The following OPN4 variants were observed in gnomAD, a reference collection of about 807,000 sequenced individuals.
OPN4 encodes opsin 4.
OPN4 carries 43 observed loss-of-function variants against 49.5 expected under a neutral mutation model. The observed-to-expected ratio is 0.87, with a 90% CI of 0.68 to 1.12. The LOEUF (loss-of-function observed/expected upper bound fraction) is 1.12. OPN4 is among the 50% of genes most tolerant of loss of function. The pLI, the probability that OPN4 is intolerant of heterozygous loss-of-function variation, is 0.00. For synonymous variants in OPN4, 263 were observed against 258.0 expected, an observed-to-expected ratio of 1.02 and a Z score of -0.19; for missense variants, 657 against 643.9, an observed-to-expected ratio of 1.02 and a Z score of -0.22.
intron 6 of OPN4, among the ~76,000 whole-genome samples, chr10:86,660,635 C>T (rs1002749880): frequency 1.3e-5 from 2 of 152,050 alleles, no homozygotes; most frequent in Admixed American, 6.5e-5. Context: ...GAGGGCATCA[C>T]GGTTGGGGTG....
Position 86,662,394 on chromosome 10 carries a change from C to T in OPN4, c.1216C>T (p.Arg406Trp), listed in dbSNP as rs3740337. Reference protein sequence around the residue: ...HTSNLSWISIRRRQESLGSES... With the variant: ...HTSNLSWISIWRRQESLGSES... ...CTCCAACCTCAGCTGGATCTCCATA[C>T]GGAGGCGCCAGGAGTCCCTGGGCTC... is the stretch of plus-strand genomic sequence containing the variant. The change falls in exon 8 of 10, where the codon CGG becomes TGG. Residue 406 changes from arginine (R) to tryptophan (W), a missense_variant. By Grantham distance (101) the Arg-to-Trp change is moderately radical. Coordinates refer to ENST00000241891, the MANE Select transcript of OPN4 (RefSeq NM_033282.4). The T allele has an allele frequency of 5.3e-5, 83 of 1,565,888 alleles. No homozygotes were observed. The highest frequency in any genetic ancestry group is 1.3e-4 in the Admixed American group (7 of 52,792).
intron 7 of OPN4, among the ~76,000 whole-genome samples, chr10:86,662,020 A>T (rs1243274011): frequency 6.6e-6 from 1 of 151,714 alleles, no homozygotes; most frequent in African/African-American, 2.4e-5. Flanking sequence ...CATGCCTACC[A>T]CCCAGAATCT....
At position 86,658,541 on chromosome 10, in the gene OPN4, T is replaced by G. The variant is rs763437689; in HGVS notation, c.482T>G (p.Leu161Arg). Residue 161 changes from leucine to arginine, a missense_variant, in exon 4 of 10, where the codon CTG (leucine) becomes CGG (arginine). Physicochemically the swap from Leu to Arg is moderately radical, Grantham distance 102. Transcript: ENST00000241891. The stretch of plus-strand genomic sequence containing the variant: ...TTTGGCATTTCCTCCATGATCACCC[T>G]GACGGCCATCGCCCTGGACCGCTAC... ...ALFGISSMIT[L>R]TAIALDRYLV... The G allele has an allele frequency of 3.7e-6, 6 of 1,614,236 alleles. No individual in the cohort carries two copies. Among genetic ancestry groups the G allele is most frequent in the Non-Finnish European group, 4.2e-6 (5 of 1,180,034 alleles).
At chr10:86,661,020 C>T (rs569037695) in intron 6 of OPN4, among the ~76,000 whole-genome samples, 17 of 152,014 alleles carry the variant, frequency 1.1e-4, no homozygotes, top group African/African-American at 3.4e-4. Flanking sequence ...CCAGCTACTC[C>T]GGAGGCTGAG....
At chr10:86,664,103 TTGA>T (rs1844086754) in intron 9 of OPN4, 1 of 315,632 alleles carries the variant, frequency 3.2e-6, no homozygotes, top group Non-Finnish European at 5.9e-6. Context: ...CATGTGTGTG[TTGA>T]TGAGGGTAGG....
Position 86,659,350 on chromosome 10 carries a change from T to C in OPN4, c.682T>C (p.Phe228Leu), listed in dbSNP as rs766619661. ...LTSCSWDYMS[F>L]TPAVRAYTML... ...ATCCTGCTCCTGGGACTACATGAGC[T>C]TCACGCCGGCCGTGCGTGCCTACAC... The change falls in exon 5 of 10, where the codon TTC (phenylalanine) becomes CTC (leucine). Residue 228 changes from phenylalanine to leucine, a missense_variant. Transcript: ENST00000241891. The C allele has an allele frequency of 6.2e-7, 1 of 1,613,768 alleles. No homozygotes were observed. Among genetic ancestry groups the C allele is most frequent in the Non-Finnish European group, 8.5e-7 (1 of 1,180,028 alleles).
At chr10:86,661,708 C>G (rs914617170) in intron 7 of OPN4, among the ~76,000 whole-genome samples, 1 of 151,456 alleles carries the variant, frequency 6.6e-6, no homozygotes, top group Non-Finnish European at 1.5e-5. Context: ...CCGCCCTCCC[C>G]GACAGTGTCA....
chr10:86,662,573 G>C, intron 8 of OPN4, 141 bp downstream of exon 8: 1 of 785,248 alleles, frequency 1.3e-6, no homozygotes, highest in Non-Finnish European at 2.0e-6. Context: ...CTGGCAGGAA[G>C]AGCCCCTCCC....
At position 86,665,916 on chromosome 10, in the gene OPN4, A is replaced by G; in HGVS notation, c.*165A>G. 1 of 605,036 alleles carries G rather than the reference A, an allele frequency of 1.7e-6. No individual in the cohort carries two copies. The allele number at this position is 605,036 out of a possible 1,614,324, so 37.5% of individuals were successfully genotyped here. ...CCCCAGCCCCATGGCCCCTCTCCAC[A>G]CCTCAAAACTCCTGCCCCATAACGT... On this transcript the variant is annotated 3_prime_UTR_variant, in exon 10 of 10. Coordinates refer to ENST00000241891, the MANE Select transcript of OPN4 (RefSeq NM_033282.4).
rs772210171 is a variant in OPN4, at chr10:86,659,468, G to C, written c.800G>C (p.Arg267Pro). 2 of 1,613,486 alleles carry C rather than the reference G, an allele frequency of 1.2e-6. No individual in the cohort carries two copies. Among genetic ancestry groups the C allele is most frequent in the South Asian group, 2.2e-5 (2 of 90,988 alleles). ...FIFRAIRETG[R>P]ALQTFGACKG... ...TTCAGGGCCATCCGGGAGACAGGAC[G>C]GTAAGAGCCGAGCATGGAGGGGGGC... Residue 267 changes from arginine to proline, a missense_variant and splice_region_variant, in exon 5 of 10, where the codon CGG (arginine) becomes CCG (proline). Transcript: ENST00000241891.
chr10:86,661,265 A>T lies in OPN4; in HGVS notation c.966-16A>T, dbSNP rs762954781. 1.9e-6 allele frequency: 3 copies of T among 1,609,138 alleles called. No individual in the cohort carries two copies. Among genetic ancestry groups the T allele is most frequent in the South Asian group, 2.2e-5 (2 of 90,958 alleles). ...GAGGGCCAGCTAGCTTGGGGACCACACCTTCTCTGTCCTAGGTACGCACAC... is the reference window on the plus strand; with the variant it reads ...GAGGGCCAGCTAGCTTGGGGACCACTCCTTCTCTGTCCTAGGTACGCACAC... On this transcript the variant is annotated splice_polypyrimidine_tract_variant and intron_variant, in intron 6 of 9. Coordinates refer to ENST00000241891, the MANE Select transcript of OPN4 (RefSeq NM_033282.4).
At position 86,659,411 on chromosome 10, in the gene OPN4, T is replaced by G; in HGVS notation, c.743T>G (p.Leu248Arg). The change falls in exon 5 of 10, where the codon CTG becomes CGG. Residue 248 changes from leucine to arginine, a missense_variant. Leu to Arg is a moderately radical substitution (Grantham distance 102, BLOSUM62 -2). Transcript: ENST00000241891. ...LLCCFVFFLP[L>R]LIIIYCYIFI... ...TGCTGCTTCGTGTTCTTCCTCCCTCTGCTTATCATCATCTACTGCTACATC... is the reference window on the plus strand; with the variant it reads ...TGCTGCTTCGTGTTCTTCCTCCCTCGGCTTATCATCATCTACTGCTACATC... The G allele has an allele frequency of 6.2e-7, 1 of 1,614,142 alleles. No homozygotes were observed. Among genetic ancestry groups the G allele is most frequent in the Non-Finnish European group, 8.5e-7 (1 of 1,180,006 alleles).
chr10:86,656,040 C>A, intron 1 of OPN4, 115 bp from the exon 2 acceptor site: 1 of 1,388,316 alleles, frequency 7.2e-7, no homozygotes, highest in Non-Finnish European at 1.0e-6. Context: ...GGCTTTGCCA[C>A]TCTGAGCCTC....
At chr10:86,658,284 T>G in intron 3 of OPN4, 119 bp downstream of exon 3, 1 of 1,386,836 alleles carries the variant, frequency 7.2e-7, no homozygotes, top group Non-Finnish European at 9.9e-7. Context: ...AGTGGGTAGC[T>G]GCCCTCAGTC....
rs1843910853 is a variant in OPN4, at chr10:86,658,033, A to G, written c.292A>G (p.Ser98Gly). The change falls in exon 3 of 10, where the codon AGC becomes GGC. Residue 98 changes from serine to glycine, a missense_variant and splice_region_variant. By Grantham distance (56) the Ser-to-Gly change is moderately conservative. Transcript: ENST00000241891. ...CCTAACAGCTTCTGATCCTCCCAGGAGCAGAAGCCTCCGGACACCTGCCAA... is the reference window on the plus strand; with the variant it reads ...CCTAACAGCTTCTGATCCTCCCAGGGGCAGAAGCCTCCGGACACCTGCCAA... ...NLTVIYTFCR[S>G]RSLRTPANMF... is the part of the protein sequence containing the mutation. 6.2e-7 allele frequency: 1 copy of G among 1,612,408 alleles called. No homozygotes were observed. Among genetic ancestry groups the G allele is most frequent in the Non-Finnish European group, 8.5e-7 (1 of 1,179,814 alleles).
chr10:86,657,878 G>A (rs1463616384), intron 2 of OPN4, among the ~76,000 whole-genome samples, 154 bp from the exon 3 acceptor site: 1 of 152,302 alleles, frequency 6.6e-6, no homozygotes, highest in African/African-American at 2.4e-5. Flanking sequence ...TAGCTCTGTG[G>A]CCCGGCAGCT....
intron 3 of OPN4, 106 bp from the exon 4 acceptor site, chr10:86,658,378 G>A: frequency 7.6e-7 from 1 of 1,310,798 alleles, no homozygotes; most frequent in African/African-American, 1.5e-5. Context: ...TGGAGGGGGT[G>A]GAGTGCGCTC....
rs1287901463 is a variant in OPN4 at position 86,662,513 on chromosome 10, C to T, written c.1254+81C>T. ...CCTGGGGCTCTGGGGAATACATAGG[C>T]CCTGGCAGGGCTGCCTCTGAGACTC... On this transcript the variant is annotated intron_variant, in intron 8 of 9. Transcript: ENST00000241891. 4 of 1,372,946 alleles carry T rather than the reference C, an allele frequency of 2.9e-6. No homozygotes were observed. In the East Asian group the frequency reaches 7.5e-5, roughly 26 times the overall value. The allele number at this position is 1,372,946 out of a possible 1,614,324, so 85.0% of individuals were successfully genotyped here.
intron 9 of OPN4, 56 bp from the exon 10 acceptor site, chr10:86,665,657 G>T (rs1237146467): frequency 3.3e-6 from 5 of 1,497,750 alleles, no homozygotes; most frequent in Non-Finnish European, 4.6e-6. Flanking sequence ...GTCATCGGGA[G>T]ACTGCCCCCA....
Sources: gnomAD v4.1 joint callset for allele counts (sites outside exome capture counted in the v4.1 genomes callset) on GRCh38, gnomAD v4.1.1 for gene constraint, MANE v1.5 for transcripts, NCBI Gene and HGNC (gene_info 2026-07-23, HGNC 2026-07-21) for gene names.